Variants in ERO1A observed in about 807,000 individuals in gnomAD.
ERO1A encodes ERO1-like protein alpha.
ERO1A carries 49 observed loss-of-function variants against 76.9 expected under a neutral mutation model. The observed-to-expected ratio is 0.64, with a 90% CI of 0.51 to 0.81. The LOEUF (loss-of-function observed/expected upper bound fraction) is 0.81, where lower values mean the gene tolerates loss of function less well. ERO1A is among the 30% of genes least tolerant of loss of function. The pLI is 0.00. For missense variants in ERO1A, 448 were observed against 542.1 expected (o/e 0.83, Z 1.72); for synonymous variants, 174 against 181.2 (o/e 0.96, Z 0.32).
At chr14:52,689,970 A>T (rs1182764706) in intron 1 of ERO1A, among the ~76,000 whole-genome samples, 1 of 152,214 alleles carries the variant, frequency 6.6e-6, no homozygotes, top group African/African-American at 2.4e-5. Context: ...GCCCAGAAAT[A>T]AACCCACACA....
intron 13 of ERO1A, among the ~76,000 whole-genome samples, chr14:52,649,571 T>G (rs2039781935): frequency 6.6e-6 from 1 of 152,032 alleles, no homozygotes; most frequent in Admixed American, 6.5e-5. Flanking sequence ...AATTAAAACA[T>G]TGTGAGAAAT....
chr14:52,642,278 T>C lies in ERO1A; in HGVS notation c.*1292A>G, dbSNP rs2039500314. ...CTGGGTATGGTGGCAGACACCTGTA[T>C]TCCCAGCTACTTGGGAGGCTGAGGT... On this transcript the variant is annotated 3_prime_UTR_variant, in exon 16 of 16. Coordinates refer to ENST00000395686, the MANE Select transcript of ERO1A (RefSeq NM_014584.3). 1 of 152,154 alleles carries C rather than the reference T, an allele frequency of 6.6e-6. No homozygotes were observed. Among genetic ancestry groups the C allele is most frequent in the African/African-American group, 2.4e-5 (1 of 41,442 alleles). 9.4% of individuals were successfully genotyped at this position (152,154 alleles called of 1,614,324 possible). A position where few individuals can be genotyped will look rare whatever the true frequency, so the allele number is the denominator to read the frequency against.
chr14:52,645,961 A>G (rs981072977), intron 15 of ERO1A, among the ~76,000 whole-genome samples, 193 bp downstream of exon 15: 2 of 152,146 alleles, frequency 1.3e-5, no homozygotes, highest in African/African-American at 4.8e-5. Context: ...GCTTGAACCC[A>G]GAAGGTGGAG....
intron 4 of ERO1A, among the ~76,000 whole-genome samples, chr14:52,675,384 T>G (rs1029051455): frequency 2.7e-5 from 4 of 148,054 alleles, no homozygotes; most frequent in Admixed American, 2.7e-4. Flanking sequence ...AAACTCCGTC[T>G]CAAAAAAAAA....
intron 4 of ERO1A, among the ~76,000 whole-genome samples, chr14:52,677,041 A>C (rs2040809364): frequency 6.6e-6 from 1 of 152,316 alleles, no homozygotes; most frequent in African/African-American, 2.4e-5. Flanking sequence ...AAACCCTGGC[A>C]TATGGTCACT....
rs1210404359 is a variant in ERO1A, at chr14:52,683,801, A to C, written c.221T>G (p.Phe74Cys). 6.8e-7 allele frequency: 1 copy of C among 1,473,062 alleles called. No individual in the cohort carries two copies. The highest frequency in any genetic ancestry group is 1.3e-5 in the South Asian group (1 of 78,124). 91.2% of individuals were successfully genotyped at this position (1,473,062 alleles called of 1,614,324 possible). The change falls in exon 2 of 16, where the codon TTT becomes TGT. Residue 74 changes from phenylalanine (F) to cysteine (C), a missense_variant. Physicochemically the swap from Phe to Cys is radical, Grantham distance 205. This residue lies in a region of ERO1A where 146 missense variants were observed against 130.2 expected (regional missense o/e 1.12). Transcript: ENST00000395686. ...AATTAAAAATACCTTGTAATACCTA[A>C]AGTAGTCACTTTCAAGAAGTTTTTG... ...RLQKLLESDY[F>C]RYYKVNLKRP...
chr14:52,688,214 C>T (rs886192212), intron 1 of ERO1A, among the ~76,000 whole-genome samples: 1 of 151,950 alleles, frequency 6.6e-6, no homozygotes, highest in South Asian at 2.1e-4. Context: ...AAAAAAAAGT[C>T]CTAGTCTTTT....
chr14:52,651,912 T>C (rs189996104), intron 13 of ERO1A, among the ~76,000 whole-genome samples: 2 of 152,096 alleles, frequency 1.3e-5, no homozygotes. Flanking sequence ...TGAAACTTTG[T>C]ACCCATGGAT....
intron 11 of ERO1A, among the ~76,000 whole-genome samples, chr14:52,654,545 T>C (rs2039980457): frequency 6.6e-6 from 1 of 152,194 alleles, no homozygotes; most frequent in South Asian, 2.1e-4. Context: ...TATATAAATG[T>C]AGCAAACAAA....
At chr14:52,692,476 T>C (rs2041385658) in intron 1 of ERO1A, among the ~76,000 whole-genome samples, 1 of 152,176 alleles carries the variant, frequency 6.6e-6, no homozygotes, top group Admixed American at 6.6e-5. Context: ...GAAGAAAAGA[T>C]AAAACTATTA....
intron 4 of ERO1A, among the ~76,000 whole-genome samples, chr14:52,675,022 G>C (rs2040731914): frequency 1.3e-5 from 2 of 152,120 alleles, no homozygotes; most frequent in Admixed American, 1.3e-4. Flanking sequence ...CGAAAAATAA[G>C]ATGTTCTAAT....
intron 6 of ERO1A, among the ~76,000 whole-genome samples, chr14:52,670,829 G>GT (rs1037129070): frequency 6.6e-6 from 1 of 152,042 alleles, no homozygotes; most frequent in South Asian, 2.1e-4. Context: ...TAGAAACTGA[G>GT]TTTTTTTAAC....
intron 6 of ERO1A, among the ~76,000 whole-genome samples, chr14:52,669,684 A>C (rs971785595): frequency 2.0e-5 from 3 of 151,958 alleles, no homozygotes; most frequent in African/African-American, 7.3e-5. Context: ...CTCACACTAA[A>C]TGAGCCTCTG....
intron 8 of ERO1A, 38 bp downstream of exon 8, chr14:52,663,763 G>T: frequency 7.9e-7 from 1 of 1,272,472 alleles, no homozygotes; most frequent in Non-Finnish European, 1.1e-6. Context: ...AAGTTCCCTG[G>T]CTGAGAAATA....
chr14:52,674,817 G>A (rs1330326108), intron 4 of ERO1A, among the ~76,000 whole-genome samples: 3 of 152,174 alleles, frequency 2.0e-5, no homozygotes, highest in African/African-American at 7.2e-5. Context: ...ACAGGTATAT[G>A]CATTTGTCAA....
chr14:52,664,816 C>T (rs568118803), intron 7 of ERO1A, among the ~76,000 whole-genome samples: 12 of 152,134 alleles, frequency 7.9e-5, no homozygotes, highest in Non-Finnish European at 1.3e-4. Flanking sequence ...CTCAGCCTCT[C>T]GAGTAGCTGG....
chr14:52,657,927 A>G lies in ERO1A; in HGVS notation c.798T>C (p.Tyr266=). The G allele has an allele frequency of 1.2e-6, 2 of 1,603,172 alleles. No individual in the cohort carries two copies. The highest frequency in any genetic ancestry group is 1.7e-6 in the Non-Finnish European group (2 of 1,173,884). ...GTAAATGTCACATACCTTGTAAAAG[A>G]TATCTTGCACTCAAATGCACATTAA... The part of the protein sequence containing the change: ...ASINVHLSAR[Y]LLQETWLEKK... Residue 266 remains tyrosine (Y), a synonymous_variant, in exon 11 of 16, where the codon TAT becomes TAC. Coordinates refer to ENST00000395686, the MANE Select transcript of ERO1A (RefSeq NM_014584.3).
intron 9 of ERO1A, among the ~76,000 whole-genome samples, chr14:52,660,646 T>G (rs1388601387): frequency 6.6e-6 from 1 of 152,210 alleles, no homozygotes; most frequent in Admixed American, 6.5e-5. Flanking sequence ...TCATAAGAAT[T>G]ATGTTCAGAA....
In ERO1A at chr14:52,658,023, G is replaced by A. The variant is rs746626746; in HGVS notation, c.716-14C>T. 16 of 1,578,070 alleles carry A rather than the reference G, an allele frequency of 1.0e-5. No individual in the cohort carries two copies. The highest frequency in any genetic ancestry group is 1.4e-5 in the Non-Finnish European group (16 of 1,152,798). ...CTACACAGAGACCTAAGAAAAAGCA[G>A]TGACTTAGAAATAAAATTTCATATG... is the stretch of plus-strand genomic sequence containing the variant. On this transcript the variant is annotated splice_polypyrimidine_tract_variant and intron_variant, in intron 10 of 15. Coordinates refer to ENST00000395686, the MANE Select transcript of ERO1A (RefSeq NM_014584.3).
Sources: gnomAD v4.1 joint callset for allele counts (sites outside exome capture counted in the v4.1 genomes callset) on GRCh38, gnomAD v4.1.1 for gene constraint, gnomAD v4.1.1 regional missense constraint, MANE v1.5 for transcripts, NCBI Gene and HGNC (gene_info 2026-07-23, HGNC 2026-07-21) for gene names.